ADGRL1: variants seen among roughly 807,000 people sequenced by gnomAD.
The protein encoded by ADGRL1 is adhesion G protein-coupled receptor L1, also known as CIRL-1.
Under a neutral mutation model 148.9 loss-of-function variants are expected in ADGRL1, and 31 were observed. The ratio of observed to expected loss-of-function variants is 0.21; its 90% CI spans 0.16 to 0.28. The LOEUF is 0.28. Among genes scored for constraint, ADGRL1 ranks in the 10% least tolerant of loss-of-function variants. ADGRL1 has a pLI of 1.00. For synonymous variants in ADGRL1, 937 were observed against 900.3 expected, an observed-to-expected ratio of 1.04 and a Z score of -0.73; for missense variants, 1,521 against 2,058.8, an observed-to-expected ratio of 0.74 and a Z score of 5.05.
Position 14,160,680 on chromosome 19 carries a change from C to T in ADGRL1, c.1527G>A (p.Gln509=). The T allele has an allele frequency of 6.2e-7, 1 of 1,611,628 alleles. No individual in the cohort carries two copies. The highest frequency in any genetic ancestry group is 8.5e-7 in the Non-Finnish European group (1 of 1,178,614). ...PKGTRGIASF[Q]CLPALGLWNP... is the part of the protein sequence containing the mutation. Reference sequence around the variant, plus strand: ...TCCAGAGCCCCAAGGCTGGTAGACACTGGAAGGAGGCAATTCCTGCAGGGA... The same window carrying T: ...TCCAGAGCCCCAAGGCTGGTAGACATTGGAAGGAGGCAATTCCTGCAGGGA... The change falls in exon 7 of 23, where the codon CAG becomes CAA. Residue 509 remains glutamine (Q), a synonymous_variant. Transcript: ENST00000361434. The surrounding 1 kb of genome is among the most constrained non-coding windows in gnomAD (Gnocchi z 5.9).
chr19:14,204,528 C>G (rs1358240106), intron 1 of ADGRL1, among the ~76,000 whole-genome samples: 1 of 151,990 alleles, frequency 6.6e-6, no homozygotes, highest in Admixed American at 6.6e-5. Context: ...GAGAGAGAAG[C>G]AGAAACCAAT....
chr19:14,192,608 T>C (rs1179109935), intron 1 of ADGRL1, among the ~76,000 whole-genome samples: 1 of 151,966 alleles, frequency 6.6e-6, no homozygotes, highest in Non-Finnish European at 1.5e-5. Flanking sequence ...TGGCGTGATC[T>C]TGGCTCACTG....
chr19:14,187,351 A>G lies in ADGRL1; in HGVS notation c.-95-3654T>C, dbSNP rs567022190. Among the ~76,000 whole-genome samples, 7 of 152,292 alleles carry G rather than the reference A, an allele frequency of 4.6e-5. No individual in the cohort carries two copies. The South Asian group carries it at 1.5e-3, about 32-fold the overall frequency. On this transcript the variant is annotated intron_variant, in intron 1 of 22. Transcript: ENST00000361434. ...CAGACTGTCTCAAAAATAAATAAATAAAACAAATCGGCACAGGCCCTCAAT... is the reference window on the plus strand; with the variant it reads ...CAGACTGTCTCAAAAATAAATAAATGAAACAAATCGGCACAGGCCCTCAAT...
chr19:14,184,755 T>A (rs577483369), intron 1 of ADGRL1, among the ~76,000 whole-genome samples: 44 of 151,896 alleles, frequency 2.9e-4, no homozygotes, highest in Admixed American at 9.2e-4. Context: ...TTCTCCTGCC[T>A]CAGCCTCCCG....
intron 1 of ADGRL1, among the ~76,000 whole-genome samples, chr19:14,205,227 A>C (rs1262527560): frequency 6.6e-6 from 1 of 152,008 alleles, no homozygotes; most frequent in African/African-American, 2.4e-5. Flanking sequence ...AAACCCTCGC[A>C]GCTCAATCCA....
intron 4 of ADGRL1, chr19:14,168,882 C>G (rs1970229332): frequency 6.6e-6 from 1 of 152,294 alleles, no homozygotes; most frequent in South Asian, 2.1e-4. Context: ...ACGCACCTCA[C>G]TGGCCGTCTT....
intron 2 of ADGRL1, among the ~76,000 whole-genome samples, chr19:14,180,422 A>G (rs898718896): frequency 6.6e-6 from 1 of 151,490 alleles, no homozygotes; most frequent in Non-Finnish European, 1.5e-5. Flanking sequence ...CACCCCACTA[A>G]TTTTTGTATT....
chr19:14,187,221 C>T (rs1971627339), intron 1 of ADGRL1, among the ~76,000 whole-genome samples: 1 of 152,162 alleles, frequency 6.6e-6, no homozygotes, highest in African/African-American at 2.4e-5. Context: ...TGCCTGTAAT[C>T]CCAGCTACTC....
At chr19:14,172,832 C>G (rs539361036) in intron 3 of ADGRL1, among the ~76,000 whole-genome samples, 1 of 152,290 alleles carries the variant, frequency 6.6e-6, no homozygotes, top group East Asian at 1.9e-4. Context: ...TAGTGGTCAT[C>G]TCAGTTATCC....
At chr19:14,166,036 C>A (rs1297812534) in intron 4 of ADGRL1, among the ~76,000 whole-genome samples, 1 of 152,150 alleles carries the variant, frequency 6.6e-6, no homozygotes, top group Non-Finnish European at 1.5e-5. Flanking sequence ...TGGCCAGCCC[C>A]ATCCACTAGG....
At chr19:14,182,548 G>A (rs1289503384) in intron 2 of ADGRL1, among the ~76,000 whole-genome samples, 1 of 152,204 alleles carries the variant, frequency 6.6e-6, no homozygotes, top group African/African-American at 2.4e-5. Flanking sequence ...GAGGCCCTTG[G>A]GGTTTTTTGG....
At position 14,161,481 on chromosome 19, in the gene ADGRL1, A is replaced by G; in HGVS notation, c.1341T>C (p.Pro447=). 1 of 1,441,132 alleles carries G rather than the reference A, an allele frequency of 6.9e-7. No individual in the cohort carries two copies. Among genetic ancestry groups the G allele is most frequent in the South Asian group, 1.5e-5 (1 of 67,968 alleles). The allele number at this position is 1,441,132 out of a possible 1,614,324, so 89.3% of individuals were successfully genotyped here. Residue 447 remains proline (P), a synonymous_variant, in exon 6 of 23, where the codon CCT becomes CCC. Coordinates refer to ENST00000361434, the MANE Select transcript of ADGRL1 (RefSeq NM_014921.5). The surrounding 1 kb of genome is among the most constrained non-coding windows in gnomAD (Gnocchi z 4.4). ...HPVGAINQLG[P]DLPPATAPVP... is the part of the protein sequence containing the mutation. ...CTGGGGCTGTGGCTGGAGGCAGATC[A>G]GGTCCCAGCTGGTTGATGGCACCCA...
chr19:14,178,251 C>T (rs932316218), intron 2 of ADGRL1, among the ~76,000 whole-genome samples: 1 of 152,062 alleles, frequency 6.6e-6, no homozygotes, highest in Non-Finnish European at 1.5e-5. Flanking sequence ...ACACTTGTAA[C>T]CCCAGCATTT....
At chr19:14,177,819 A>G in intron 2 of ADGRL1, 75 bp from the exon 3 acceptor site, 1 of 1,351,500 alleles carries the variant, frequency 7.4e-7, no homozygotes, top group Non-Finnish European at 1.0e-6. Flanking sequence ...CTGCCAAGAA[A>G]ACACCACCTC....
intron 1 of ADGRL1, among the ~76,000 whole-genome samples, chr19:14,194,504 T>C (rs1330060457): frequency 6.6e-5 from 10 of 152,214 alleles, no homozygotes; most frequent in African/African-American, 2.4e-4. Context: ...CTTCCACGTG[T>C]AACTCATGTA....
chr19:14,151,405 C>G lies in ADGRL1; in HGVS notation c.3878G>C (p.Ser1293Thr), dbSNP rs1230165345. The G allele has an allele frequency of 1.9e-6, 3 of 1,611,042 alleles. No homozygotes were observed. The highest frequency in any genetic ancestry group is 1.7e-4 in the Middle Eastern group (1 of 6,054). ...LVHNNLRGSS[S>T]AAKGPPPPEP... is the part of the protein sequence containing the mutation. ...AGGCGGTGGAGGGCCCTTGGCCGCG[C>G]TGCTGCTCCCCCGCAGGTTGTTGTG... The change falls in exon 23 of 23, where the codon AGC becomes ACC. Residue 1293 changes from serine (S) to threonine (T), a missense_variant. Around this residue, in one of 8 missense-constraint regions of ADGRL1, gnomAD observed 390 missense variants for 375.0 expected, o/e 1.04. Coordinates refer to ENST00000361434, the MANE Select transcript of ADGRL1 (RefSeq NM_014921.5).
Position 14,157,260 on chromosome 19 carries a change from A to G in ADGRL1, c.2736T>C (p.Thr912=). The part of the protein sequence containing the change: ...ELLFLVGIDK[T]QYEIACPIFA... ...TAGAGTCCCAGCCCACCTCATACTG[A>G]GTCTTGTCGATCCCGACCAGGAAGA... Residue 912 remains threonine, a synonymous_variant, in exon 14 of 23, where the codon ACT becomes ACC. Transcript: ENST00000361434. This position sits in a 1 kb window ranked among gnomAD's most constrained non-coding sequence, Gnocchi z 7.5. 1.2e-6 allele frequency: 2 copies of G among 1,613,974 alleles called. No individual in the cohort carries two copies. Among genetic ancestry groups the G allele is most frequent in the Non-Finnish European group, 1.7e-6 (2 of 1,179,990 alleles).
intron 1 of ADGRL1, among the ~76,000 whole-genome samples, chr19:14,195,086 T>C (rs1425360909): frequency 6.6e-6 from 1 of 152,006 alleles, no homozygotes; most frequent in East Asian, 1.9e-4. Context: ...GGTTTCACCA[T>C]GTTGCCCAGG....
At chr19:14,178,973 C>T (rs1971008032) in intron 2 of ADGRL1, among the ~76,000 whole-genome samples, 1 of 151,668 alleles carries the variant, frequency 6.6e-6, no homozygotes, top group African/African-American at 2.4e-5. Context: ...CACCTGAGGT[C>T]AGGAGTTTGA....
Sources: gnomAD v4.1 joint callset for allele counts (sites outside exome capture counted in the v4.1 genomes callset) on GRCh38, gnomAD v4.1.1 for gene constraint, gnomAD v4.1.1 regional missense constraint, Gnocchi (gnomAD v3.1) non-coding constraint, MANE v1.5 for transcripts, NCBI Gene and HGNC (gene_info 2026-07-23, HGNC 2026-07-21) for gene names.